Variants in HUWE1 observed in about 807,000 individuals in gnomAD.
The protein encoded by HUWE1 is E3 ubiquitin-protein ligase HUWE1.
Under a neutral mutation model 299.4 loss-of-function variants are expected in HUWE1, and 18 were observed. The observed-to-expected ratio is 0.06, with a 90% CI of 0.04 to 0.09. The LOEUF is 0.09. HUWE1 is among the 10% of genes least tolerant of loss of function. The pLI, the probability that HUWE1 is intolerant of heterozygous loss-of-function variation, is 1.00. For synonymous variants in HUWE1, 1,317 were observed against 1,286.1 expected (o/e 1.02, Z -0.51); for missense variants, 1,832 against 3,462.3 (o/e 0.53, Z 11.82).
At chrX:53,595,541 C>T in intron 29 of HUWE1, 138 bp from the exon 30 acceptor site, 1 of 539,985 alleles carries the variant, frequency 1.9e-6, no homozygotes, top group Non-Finnish European at 3.1e-6. Flanking sequence ...ATTTGTTCTA[C>T]ATTCAATAAT....
At chrX:53,640,298 T>G (rs1404180556) in intron 7 of HUWE1, among the ~76,000 whole-genome samples, 1 of 111,737 alleles carries the variant, frequency 8.9e-6, no homozygotes, top group African/African-American at 3.3e-5. Flanking sequence ...AAGCGGAGGA[T>G]GCAGTGAGCT....
rs1556921216 is a variant in HUWE1 at position 53,544,708 on chromosome X, A to T, written c.11103T>A (p.Gly3701=). 9 of 1,209,658 alleles carry T rather than the reference A, an allele frequency of 7.4e-6. No individual in the cohort carries two copies. Among genetic ancestry groups the T allele is most frequent in the Non-Finnish European group, 1.0e-5 (9 of 894,803 alleles). ...TAGAAGGCAGCTGGAGCTCCCGGCC[A>T]CCCAAAGGTCGCTTCTGAGATGCCA... The part of the protein sequence containing the change: ...VIVASQKRPL[G]GRELQLPSMS... Residue 3701 remains glycine (G), a synonymous_variant, in exon 72 of 84, where the codon GGT becomes GGA. Coordinates refer to ENST00000262854, the MANE Select transcript of HUWE1 (RefSeq NM_031407.7).
intron 26 of HUWE1, 141 bp from the exon 27 acceptor site, chrX:53,603,642 T>C: frequency 3.8e-6 from 2 of 529,551 alleles, no homozygotes; most frequent in Admixed American, 5.8e-5. Context: ...CTCATCAAAA[T>C]GTCCACACTC....
intron 60 of HUWE1, among the ~76,000 whole-genome samples, 169 bp from the exon 61 acceptor site, chrX:53,555,089 G>C (rs2061939053): frequency 1.8e-5 from 2 of 111,377 alleles, no homozygotes; most frequent in Admixed American, 1.9e-4. Flanking sequence ...AAGGATGAAG[G>C]TTAAGGCACA....
chrX:53,625,484 G>A, intron 17 of HUWE1: 1 of 327,438 alleles, frequency 3.1e-6, no homozygotes, highest in East Asian at 5.1e-5. Flanking sequence ...AAGTAAAAAA[G>A]AAAAATTACA....
chrX:53,638,105 C>T (rs1019526563), intron 7 of HUWE1, among the ~76,000 whole-genome samples: 1 of 111,807 alleles, frequency 8.9e-6, no homozygotes, highest in African/African-American at 3.2e-5. Flanking sequence ...AGATATTATT[C>T]TTCACATTTT....
chrX:53,560,159 G>A (rs2062220287), intron 56 of HUWE1, 29 bp downstream of exon 56: 8 of 1,120,994 alleles, frequency 7.1e-6, no homozygotes, highest in African/African-American at 5.5e-5. Flanking sequence ...CAAGAGCTCC[G>A]ATGAATCCAA....
rs782192425 is a variant in HUWE1, at chrX:53,602,823, A to G, written c.2877-165T>C. ...AAGCATCTATAATTCCTGAGGTAGC[A>G]CCCCACAAGCTTTCCAATTCTTTTT... On this transcript the variant is annotated intron_variant, in intron 27 of 83. Transcript: ENST00000262854. Among the ~76,000 whole-genome samples, 9 of 106,153 alleles carry G rather than the reference A, an allele frequency of 8.5e-5. No individual in the cohort carries two copies. In the Admixed American group the frequency reaches 9.1e-4, roughly 11 times the overall value. The allele number at this position is 106,153 out of a possible 115,157, so 92.2% of individuals were successfully genotyped here.
chrX:53,546,952 C>A, intron 68 of HUWE1, 127 bp from the exon 69 acceptor site: 1 of 860,051 alleles, frequency 1.2e-6, no homozygotes, highest in Non-Finnish European at 1.7e-6. Flanking sequence ...AAAAGAAAAC[C>A]CACCCACCAA....
chrX:53,558,722 G>C lies in HUWE1; in HGVS notation c.8093C>G (p.Ala2698Gly). 2 of 1,209,844 alleles carry C rather than the reference G, an allele frequency of 1.7e-6. No individual in the cohort carries two copies. The highest frequency in any genetic ancestry group is 2.2e-6 in the Non-Finnish European group (2 of 893,917). ...ERREKRRKQL[A>G]EEETKITDKG... ...ATCAGTTATCTTTGTTTCTTCCTCA[G>C]CCAGTTGTTTCCTGCGCTTCTCTCG... is the stretch of plus-strand genomic sequence containing the variant. The change falls in exon 59 of 84, where the codon GCT becomes GGT. Residue 2698 changes from alanine (A) to glycine (G), a missense_variant. Ala to Gly is a moderately conservative substitution (Grantham distance 60). Coordinates refer to ENST00000262854, the MANE Select transcript of HUWE1 (RefSeq NM_031407.7).
intron 7 of HUWE1, among the ~76,000 whole-genome samples, chrX:53,636,251 G>T (rs782541500): frequency 8.9e-6 from 1 of 112,695 alleles, no homozygotes; most frequent in Non-Finnish European, 1.9e-5. Context: ...AGTGAAAATG[G>T]CAGAATGGGG....
chrX:53,575,418 G>A (rs1306204989), intron 45 of HUWE1, among the ~76,000 whole-genome samples, 197 bp from the exon 46 acceptor site: 1 of 110,975 alleles, frequency 9.0e-6, no homozygotes, highest in African/African-American at 3.3e-5. Flanking sequence ...TGGGGGAGGC[G>A]GGGAAGGAAA....
At chrX:53,543,698 A>T in intron 73 of HUWE1, 143 bp downstream of exon 73, 1 of 898,104 alleles carries the variant, frequency 1.1e-6, no homozygotes, top group Non-Finnish European at 1.6e-6. Flanking sequence ...ACCAACAGAA[A>T]GTAACCCTTT....
intron 13 of HUWE1, among the ~76,000 whole-genome samples, 172 bp downstream of exon 13, chrX:53,629,344 A>G (rs952352814): frequency 9.0e-6 from 1 of 111,260 alleles, no homozygotes; most frequent in Non-Finnish European, 1.9e-5. Context: ...CTACGTATAT[A>G]ATGTGTATAC....
Position 53,533,246 on chromosome X carries a change from A to G in HUWE1, c.*63T>C. 1.4e-6 allele frequency: 1 copy of G among 698,326 alleles called. No individual in the cohort carries two copies. Among genetic ancestry groups the G allele is most frequent in the Non-Finnish European group, 2.2e-6 (1 of 446,875 alleles). 57.5% of individuals were successfully genotyped at this position (698,326 alleles called of 1,213,427 possible). A position where few individuals can be genotyped will look rare whatever the true frequency, so the allele number is the denominator to read the frequency against. On this transcript the variant is annotated 3_prime_UTR_variant, in exon 84 of 84. Coordinates refer to ENST00000262854, the MANE Select transcript of HUWE1 (RefSeq NM_031407.7). ...ACAATTTCTTTCTGGTTCTTTTTTT[A>G]ACTCCCCCCTCCCCAGGTCCAACAA...
intron 3 of HUWE1, among the ~76,000 whole-genome samples, chrX:53,674,659 C>G (rs782251175): frequency 1.0e-3 from 113 of 111,828 alleles, no homozygotes; most frequent in African/African-American, 3.5e-3. Context: ...TTCTCTGATG[C>G]CTTCTTGTAA....
chrX:53,599,865 G>GT (rs374794825), intron 29 of HUWE1, among the ~76,000 whole-genome samples: 2 of 111,930 alleles, frequency 1.8e-5, no homozygotes, highest in African/African-American at 6.5e-5. Context: ...TAGTTGAAGA[G>GT]TAAGTAGGAG....
In HUWE1 at chrX:53,589,451, A is replaced by C. The variant is rs1020095850; in HGVS notation, c.4461+96T>G. 7.4e-6 allele frequency: 6 copies of C among 810,071 alleles called. No homozygotes were observed. Among genetic ancestry groups the C allele is most frequent in the Non-Finnish European group, 1.1e-5 (6 of 533,339 alleles). The allele number at this position is 810,071 out of a possible 1,213,427, so 66.8% of individuals were successfully genotyped here. On this transcript the variant is annotated intron_variant, in intron 36 of 83. Transcript: ENST00000262854. ...AATAGAGAATATACCCATATCAGGT[A>C]GAATGAAAATATGCTGATTTTTCAG...
chrX:53,577,213 T>G (rs1361587668), intron 43 of HUWE1, 146 bp from the exon 44 acceptor site: 4 of 494,945 alleles, frequency 8.1e-6, no homozygotes, highest in Non-Finnish European at 1.4e-5. Context: ...TACTCTACTA[T>G]AAAACCTGGT....
Sources: gnomAD v4.1 joint callset for allele counts (sites outside exome capture counted in the v4.1 genomes callset) on GRCh38, gnomAD v4.1.1 for gene constraint, MANE v1.5 for transcripts, NCBI Gene and HGNC (gene_info 2026-07-23, HGNC 2026-07-21) for gene names.